The following PRKG1 variants were observed in gnomAD, a reference collection of about 807,000 sequenced individuals.
PRKG1 encodes the protein cGMP-dependent protein kinase 1.
PRKG1 carries 35 observed loss-of-function variants against 88.1 expected under a neutral mutation model. That is an observed-to-expected ratio of 0.40 (90% confidence interval 0.30 to 0.53). PRKG1 has a LOEUF of 0.53. PRKG1 is among the 20% of genes least tolerant of loss of function. PRKG1 has a pLI of 0.59. For missense variants in PRKG1, 540 were observed against 839.8 expected (o/e 0.64, Z 4.41); for synonymous variants, 303 against 292.5 (o/e 1.04, Z -0.37).
intron 4 of PRKG1, among the ~76,000 whole-genome samples, chr10:51,861,139 C>A (rs765313712): frequency 2.0e-5 from 3 of 152,150 alleles, no homozygotes; most frequent in Non-Finnish European, 4.4e-5. Context: ...CATCACACAG[C>A]TGCAAAGTTA....
At chr10:51,735,206 G>A (rs749283038) in intron 3 of PRKG1, among the ~76,000 whole-genome samples, 1 of 152,250 alleles carries the variant, frequency 6.6e-6, no homozygotes, top group East Asian at 1.9e-4. Flanking sequence ...TGCTACATGT[G>A]TTTCTTTTAT....
At chr10:51,984,917 G>A (rs1471092948) in intron 5 of PRKG1, among the ~76,000 whole-genome samples, 2 of 152,072 alleles carry the variant, frequency 1.3e-5, no homozygotes, top group Non-Finnish European at 2.9e-5. Flanking sequence ...CCTGAATGAT[G>A]TTTTGTTCCC....
chr10:52,109,385 C>T (rs1847501408), intron 7 of PRKG1, among the ~76,000 whole-genome samples: 1 of 152,204 alleles, frequency 6.6e-6, no homozygotes, highest in Non-Finnish European at 1.5e-5. Flanking sequence ...TTTCTTCATG[C>T]TTATTTTCTT....
rs369063959 is a variant in PRKG1 at position 52,280,948 on chromosome 10, G to A, written c.1545+18G>A. On this transcript the variant is annotated intron_variant, in intron 13 of 17. Transcript: ENST00000373980. Reference sequence around the variant, plus strand: ...CCAAACTGGTCAGTGCATTTCATACGTGCTTTCTGCCCTGCAGATTAAAAA... The same window carrying A: ...CCAAACTGGTCAGTGCATTTCATACATGCTTTCTGCCCTGCAGATTAAAAA... The A allele has an allele frequency of 1.2e-5, 19 of 1,606,584 alleles. No individual in the cohort carries two copies. The highest frequency in any genetic ancestry group is 6.7e-5 in the South Asian group (6 of 90,148).
chr10:51,315,586 G>A (rs1353290245), intron 2 of PRKG1, among the ~76,000 whole-genome samples: 1 of 152,138 alleles, frequency 6.6e-6, no homozygotes, highest in Non-Finnish European at 1.5e-5. Flanking sequence ...TGACTATCCG[G>A]TTTAATCCTT....
chr10:51,451,687 G>A lies in PRKG1; in HGVS notation c.479-16036G>A, dbSNP rs184089805. On this transcript the variant is annotated intron_variant, in intron 2 of 17. Coordinates refer to ENST00000373980, the MANE Select transcript of PRKG1 (RefSeq NM_006258.4). ...GATAGCAGAGAATCCAGGTCAACAA[G>A]GACTTAAGGCAGAGTTTCAGTTAAG... Among the ~76,000 whole-genome samples the A allele has an allele frequency of 2.0e-3, 300 of 152,048 alleles. 2 individuals carry two copies. Among genetic ancestry groups the A allele is most frequent in the Middle Eastern group, 0.017 (5 of 294 alleles).
chr10:52,110,010 C>G (rs575733634), intron 7 of PRKG1, among the ~76,000 whole-genome samples: 105 of 151,800 alleles, frequency 6.9e-4, no homozygotes, highest in South Asian at 1.5e-3. Flanking sequence ...TCATGATGTA[C>G]CAGATGCTCA....
chr10:51,622,026 T>C (rs552533444), intron 3 of PRKG1, among the ~76,000 whole-genome samples: 21 of 152,298 alleles, frequency 1.4e-4, no homozygotes, highest in African/African-American at 4.8e-4. Flanking sequence ...CCTGTATTGG[T>C]TGGATTTGCT....
At chr10:52,263,935 T>C (rs1183771676) in intron 10 of PRKG1, among the ~76,000 whole-genome samples, 5 of 152,150 alleles carry the variant, frequency 3.3e-5, no homozygotes, top group African/African-American at 1.2e-4. Flanking sequence ...TGCTAAAATT[T>C]TGTGTTACAC....
intron 1 of PRKG1, among the ~76,000 whole-genome samples, chr10:51,020,520 T>C (rs937321307): frequency 8.5e-5 from 13 of 152,172 alleles, no homozygotes; most frequent in African/African-American, 3.1e-4. Context: ...GAGGGGTGTG[T>C]CTGTTATAAT....
chr10:51,812,167 G>A lies in PRKG1; in HGVS notation c.698+7477G>A, dbSNP rs1052017255. ...TTACAATCAACACATTTTTGCCAAT[G>A]AGAAATAAGCTTGTTTATTCCTGTA... On this transcript the variant is annotated intron_variant, in intron 4 of 17. Transcript: ENST00000373980. 3.9e-5 allele frequency among the ~76,000 whole-genome samples: 6 copies of A among 152,122 alleles called. No homozygotes were observed. The East Asian group carries it at 1.2e-3, about 29-fold the overall frequency.
chr10:51,426,639 G>A (rs777972139), intron 2 of PRKG1, among the ~76,000 whole-genome samples: 1 of 152,036 alleles, frequency 6.6e-6, no homozygotes, highest in Non-Finnish European at 1.5e-5. Context: ...AAAAATAGAT[G>A]CAGAATACCC....
At position 51,590,133 on chromosome 10, in the gene PRKG1, T is replaced by C. The variant is rs7910675; in HGVS notation, c.592+122297T>C. Among the ~76,000 whole-genome samples, 390 of 152,306 alleles carry C rather than the reference T, an allele frequency of 2.6e-3. 2 individuals carry two copies. The highest frequency in any genetic ancestry group is 8.8e-3 in the African/African-American group (366 of 41,582). On this transcript the variant is annotated intron_variant, in intron 3 of 17. Coordinates refer to ENST00000373980, the MANE Select transcript of PRKG1 (RefSeq NM_006258.4). Reference sequence around the variant, plus strand: ...CTCTTCAATGATGGTCAGACCAACATAGTTGTGACTGATTTTGAGAAATTA... The same window carrying C: ...CTCTTCAATGATGGTCAGACCAACACAGTTGTGACTGATTTTGAGAAATTA...
intron 2 of PRKG1, among the ~76,000 whole-genome samples, chr10:51,211,998 G>A (rs1489989793): frequency 6.6e-6 from 1 of 152,044 alleles, no homozygotes; most frequent in East Asian, 1.9e-4. Flanking sequence ...AAAAGAGCCT[G>A]CATTGCCAAG....
chr10:51,855,256 C>A (rs1034457294), intron 4 of PRKG1, among the ~76,000 whole-genome samples: 1 of 152,136 alleles, frequency 6.6e-6, no homozygotes, highest in Non-Finnish European at 1.5e-5. Context: ...CATGACTTGT[C>A]CCCTGTCACT....
intron 7 of PRKG1, among the ~76,000 whole-genome samples, chr10:52,117,574 C>A (rs990327664): frequency 6.6e-6 from 1 of 152,042 alleles, no homozygotes; most frequent in Non-Finnish European, 1.5e-5. Flanking sequence ...AAGACCTCAG[C>A]AGCCTCTCTA....
chr10:51,037,421 G>A (rs1843365794), intron 1 of PRKG1, among the ~76,000 whole-genome samples: 1 of 152,130 alleles, frequency 6.6e-6, no homozygotes, highest in African/African-American at 2.4e-5. Flanking sequence ...CTGTGATCGT[G>A]CCACTGCACT....
chr10:51,716,766 C>T (rs1158585056), intron 3 of PRKG1, among the ~76,000 whole-genome samples: 1 of 152,184 alleles, frequency 6.6e-6, no homozygotes, highest in Non-Finnish European at 1.5e-5. Context: ...CATCTCACCT[C>T]ACTGCAACCT....
chr10:51,407,152 C>T (rs1310367726), intron 2 of PRKG1, among the ~76,000 whole-genome samples: 1 of 152,162 alleles, frequency 6.6e-6, no homozygotes, highest in East Asian at 1.9e-4. Context: ...CCTTTGGCAA[C>T]ACCCTCACAA....
Sources: allele counts gnomAD v4.1 joint callset (sites outside exome capture counted in the v4.1 genomes callset), GRCh38; gene constraint gnomAD v4.1.1; transcripts MANE v1.5; gene names NCBI Gene and HGNC (gene_info 2026-07-23, HGNC 2026-07-21).